The following NREP variants were observed in gnomAD, a reference collection of about 807,000 sequenced individuals.
NREP encodes neuronal regeneration-related protein.
A neutral mutation model predicts 8.6 loss-of-function variants in NREP; 5 were observed. The ratio of observed to expected loss-of-function variants is 0.58; its 90% confidence interval spans 0.30 to 1.22. The LOEUF (loss-of-function observed/expected upper bound fraction) is 1.22, where lower values mean the gene tolerates loss of function less well. Ranked by LOEUF, NREP falls within the 50% of genes most tolerant of loss-of-function variation. The probability of loss-of-function intolerance (pLI) is 0.07; values close to 1 mark genes in which losing one functional copy is unlikely to be tolerated. For missense variants in NREP, 86 were observed against 82.5 expected (o/e 1.04, Z -0.17); for synonymous variants, 27 against 28.0 (o/e 0.96, Z 0.11).
chr5:111,953,855 T>C (rs1417297759), intron 2 of NREP, among the ~76,000 whole-genome samples: 1 of 152,128 alleles, frequency 6.6e-6, no homozygotes, highest in Non-Finnish European at 1.5e-5. Context: ...TATGGAAATA[T>C]GTAATATATT....
chr5:111,906,803 T>C (rs1207585118), intron 2 of NREP, among the ~76,000 whole-genome samples: 1 of 152,168 alleles, frequency 6.6e-6, no homozygotes, highest in Non-Finnish European at 1.5e-5. Context: ...ATTTGGCATC[T>C]AAGTATCTTC....
chr5:111,880,146 T>A (rs976755658), intron 2 of NREP, among the ~76,000 whole-genome samples: 29 of 152,202 alleles, frequency 1.9e-4, no homozygotes, highest in African/African-American at 7.0e-4. Context: ...ATTTATTACC[T>A]GTGAGACACT....
intron 3 of NREP, chr5:111,731,688 A>T (rs546420019): frequency 6.6e-6 from 1 of 152,502 alleles, no homozygotes; most frequent in East Asian, 1.9e-4. Context: ...CAAGGCCAGA[A>T]GAGAGTGAGA....
chr5:111,910,762 G>A lies in NREP; in HGVS notation c.135+64512C>T, dbSNP rs890802492. ...AAGTTTACCTCCAAAAGGAAGCCCT[G>A]TGATAAGGGACCTTATCTATCTTGG... is the stretch of plus-strand genomic sequence containing the variant. On this transcript the variant is annotated intron_variant, in intron 2 of 3. Transcript: ENST00000395634. Among the ~76,000 whole-genome samples, 3 of 152,030 alleles carry A rather than the reference G, an allele frequency of 2.0e-5. No individual in the cohort carries two copies. The East Asian group carries it at 5.8e-4, about 29-fold the overall frequency.
intron 2 of NREP, among the ~76,000 whole-genome samples, chr5:111,771,107 T>C (rs961690399): frequency 6.6e-6 from 1 of 152,184 alleles, no homozygotes; most frequent in Non-Finnish European, 1.5e-5. Flanking sequence ...ATTAGGAGAA[T>C]TGCATTGATA....
At chr5:111,852,934 C>A (rs1273589551) in intron 2 of NREP, among the ~76,000 whole-genome samples, 1 of 152,054 alleles carries the variant, frequency 6.6e-6, no homozygotes, top group African/African-American at 2.4e-5. Context: ...AGAGAAGCTT[C>A]CTCAAAGGGT....
At chr5:111,741,908 T>C (rs1749704278) in intron 2 of NREP, among the ~76,000 whole-genome samples, 2 of 151,706 alleles carry the variant, frequency 1.3e-5, no homozygotes, top group African/African-American at 4.9e-5. Context: ...GTATGCATTA[T>C]GAACACCCAA....
At chr5:111,786,972 C>A (rs116360127) in intron 2 of NREP, among the ~76,000 whole-genome samples, 1 of 152,158 alleles carries the variant, frequency 6.6e-6, no homozygotes, top group Non-Finnish European at 1.5e-5. Flanking sequence ...GTATGCTACC[C>A]TTCTTAAACT....
intron 2 of NREP, among the ~76,000 whole-genome samples, chr5:111,958,415 C>T (rs996539634): frequency 6.6e-6 from 1 of 151,664 alleles, no homozygotes; most frequent in African/African-American, 2.4e-5. Flanking sequence ...ATAAAATTTA[C>T]CACATAGAGA....
chr5:111,811,870 C>T (rs988484728), intron 2 of NREP, among the ~76,000 whole-genome samples: 1 of 152,056 alleles, frequency 6.6e-6, no homozygotes, highest in Non-Finnish European at 1.5e-5. Flanking sequence ...CCCAGAGAAG[C>T]AAAGATCGGT....
chr5:111,861,952 TTTTC>T, intron 2 of NREP, among the ~76,000 whole-genome samples: 1 of 152,288 alleles, frequency 6.6e-6, no homozygotes, highest in East Asian at 1.9e-4. Flanking sequence ...CTACATATGA[TTTTC>T]TTATTTACCT....
chr5:111,815,291 C>A (rs1005657486), intron 2 of NREP, among the ~76,000 whole-genome samples: 1 of 152,124 alleles, frequency 6.6e-6, no homozygotes, highest in Non-Finnish European at 1.5e-5. Flanking sequence ...TGGAAATTGG[C>A]AAGCCTGAAA....
At chr5:111,754,325 G>T (rs921202434) in intron 2 of NREP, among the ~76,000 whole-genome samples, 3 of 152,104 alleles carry the variant, frequency 2.0e-5, no homozygotes, top group Non-Finnish European at 4.4e-5. Flanking sequence ...CTTTGAGCTT[G>T]ATCTATAGAG....
chr5:111,873,486 G>T (rs975642480), intron 2 of NREP, among the ~76,000 whole-genome samples: 1 of 152,132 alleles, frequency 6.6e-6, no homozygotes, highest in Non-Finnish European at 1.5e-5. Flanking sequence ...ATTTGTAGGG[G>T]ACAGAAGTCT....
intron 2 of NREP, among the ~76,000 whole-genome samples, chr5:111,770,274 T>C (rs1751186601): frequency 1.3e-5 from 2 of 152,192 alleles, no homozygotes; most frequent in African/African-American, 4.8e-5. Flanking sequence ...GCCAGATTTG[T>C]TCAAGATATT....
At chr5:111,845,670 T>C (rs1274167241) in intron 2 of NREP, among the ~76,000 whole-genome samples, 1 of 152,150 alleles carries the variant, frequency 6.6e-6, no homozygotes, top group Non-Finnish European at 1.5e-5. Context: ...TAAATGTTGA[T>C]AAGCTGTTAC....
chr5:111,798,749 GTGTGTGTGTGTGTGTGTGTGTGTGTGTA>G (rs982080376), intron 2 of NREP, among the ~76,000 whole-genome samples: 6 of 69,322 alleles, frequency 8.7e-5, no homozygotes, highest in South Asian at 7.1e-4. Context: ...GTGTGTGTGT[GTGTGTGTGTGTGTGTGTGTGTGTGTGTA>G]TGTGTGTGTG....
At chr5:111,744,656 C>T (rs1749889367) in intron 2 of NREP, among the ~76,000 whole-genome samples, 1 of 152,048 alleles carries the variant, frequency 6.6e-6, no homozygotes, top group Non-Finnish European at 1.5e-5. Context: ...ATGAGGGATT[C>T]AGTCCGGCAG....
At chr5:111,733,884 T>C (rs780353857) in intron 3 of NREP, 2 of 152,114 alleles carry the variant, frequency 1.3e-5, no homozygotes, top group Non-Finnish European at 2.9e-5. Flanking sequence ...ATAATGTGCT[T>C]TGGACCAAGT....
Sources: allele counts gnomAD v4.1 joint callset (sites outside exome capture counted in the v4.1 genomes callset), GRCh38; gene constraint gnomAD v4.1.1; transcripts MANE v1.5; gene names NCBI Gene and HGNC (gene_info 2026-07-23, HGNC 2026-07-21).